Variants in FAM83B observed in about 807,000 individuals in gnomAD.
FAM83B encodes protein FAM83B.
A neutral mutation model predicts 38.8 loss-of-function variants in FAM83B; 26 were observed. The observed-to-expected ratio is 0.67, with a 90% CI of 0.49 to 0.93. The LOEUF is 0.93. FAM83B is among the 40% of genes least tolerant of loss of function. The probability of loss-of-function intolerance (pLI) is 0.00; values close to 1 mark genes in which losing one functional copy is unlikely to be tolerated. For synonymous variants in FAM83B, 419 were observed against 423.1 expected (o/e 0.99, Z 0.12); for missense variants, 1,237 against 1,197.3 (o/e 1.03, Z -0.49).
chr6:54,919,181 C>T (rs1333673269), intron 2 of FAM83B, among the ~76,000 whole-genome samples: 1 of 152,152 alleles, frequency 6.6e-6, no homozygotes, highest in Non-Finnish European at 1.5e-5. Context: ...GCCTACTCCT[C>T]ATTCTTTATT....
chr6:54,870,100 A>G, intron 1 of FAM83B, 87 bp from the exon 2 acceptor site: 3 of 621,014 alleles, frequency 4.8e-6, no homozygotes, highest in Non-Finnish European at 8.4e-6. Context: ...AAATGTGTAA[A>G]TGAAAAAATA....
chr6:54,940,515 C>T lies in FAM83B; in HGVS notation c.1544C>T (p.Ala515Val). The T allele has an allele frequency of 3.7e-6, 6 of 1,614,078 alleles. No individual in the cohort carries two copies. The highest frequency in any genetic ancestry group is 5.1e-6 in the Non-Finnish European group (6 of 1,180,004). The change falls in exon 5 of 5, where the codon GCT becomes GTT. Residue 515 changes from alanine to valine, a missense_variant. By Grantham distance (64) the Ala-to-Val change is moderately conservative (BLOSUM62 0). Transcript: ENST00000306858. ...GCTACACCGGACTCAAATGGATCAGCTTTAGGTGACCGATTTGAGGGCTAT... is the reference window on the plus strand; with the variant it reads ...GCTACACCGGACTCAAATGGATCAGTTTTAGGTGACCGATTTGAGGGCTAT... ...SEATPDSNGS[A>V]LGDRFEGYDN... is the part of the protein sequence containing the mutation.
At chr6:54,850,408 AG>A (rs1771244314) in intron 1 of FAM83B, among the ~76,000 whole-genome samples, 1 of 152,162 alleles carries the variant, frequency 6.6e-6, no homozygotes. Context: ...ATGTTAACTA[AG>A]GTTTCCCCAC....
intron 1 of FAM83B, among the ~76,000 whole-genome samples, chr6:54,847,626 G>A (rs34927959): frequency 0.22 from 32,667 of 151,832 alleles, 3,995 homozygotes; most frequent in African/African-American, 0.34. Context: ...TGTGATATGT[G>A]GGGAGACTTA....
Position 54,940,783 on chromosome 6 carries a change from G to C in FAM83B, c.1812G>C (p.Leu604Phe). ...CAGAATCAATCCCCAAGCTCCCATT[G>C]CAGTCAGAGGCACCAAAAATGCACA... ...PLPESIPKLP[L>F]QSEAPKMHTL... Residue 604 changes from leucine (L) to phenylalanine (F), a missense_variant, in exon 5 of 5, where the codon TTG becomes TTC. Leu to Phe is a conservative substitution (Grantham distance 22). Transcript: ENST00000306858. 1 of 1,613,974 alleles carries C rather than the reference G, an allele frequency of 6.2e-7. No homozygotes were observed. Among genetic ancestry groups the C allele is most frequent in the Non-Finnish European group, 8.5e-7 (1 of 1,180,000 alleles).
At chr6:54,877,815 G>A (rs916116554) in intron 2 of FAM83B, among the ~76,000 whole-genome samples, 2 of 152,284 alleles carry the variant, frequency 1.3e-5, no homozygotes, top group African/African-American at 4.8e-5. Context: ...AAACCAAAAT[G>A]CTCATAACTA....
intron 2 of FAM83B, among the ~76,000 whole-genome samples, chr6:54,882,530 G>T (rs575967338): frequency 2.0e-5 from 3 of 152,184 alleles, no homozygotes; most frequent in South Asian, 4.2e-4. Context: ...TTACCATTAT[G>T]GTGTATTACC....
chr6:54,940,646 T>C lies in FAM83B; in HGVS notation c.1675T>C (p.Cys559Arg). 6.2e-7 allele frequency: 1 copy of C among 1,614,046 alleles called. No homozygotes were observed. The highest frequency in any genetic ancestry group is 2.2e-5 in the East Asian group (1 of 44,866). Residue 559 changes from cysteine (C) to arginine (R), a missense_variant, in exon 5 of 5, where the codon TGT becomes CGT. Coordinates refer to ENST00000306858, the MANE Select transcript of FAM83B (RefSeq NM_001010872.3). Reference protein sequence around the residue: ...TLPEQKEVNSCTTGSSNSTII... With the variant: ...TLPEQKEVNSRTTGSSNSTII... ...ACCTGAGCAAAAGGAAGTTAACAGTTGTACAACTGGCTCCTCAAATTCAAC... is the reference window on the plus strand; with the variant it reads ...ACCTGAGCAAAAGGAAGTTAACAGTCGTACAACTGGCTCCTCAAATTCAAC...
At chr6:54,891,547 T>C (rs956020867) in intron 2 of FAM83B, among the ~76,000 whole-genome samples, 3 of 152,202 alleles carry the variant, frequency 2.0e-5, no homozygotes, top group African/African-American at 7.2e-5. Context: ...TACAACCTGA[T>C]GTGGCCTGTC....
chr6:54,881,551 T>C (rs1772132380), intron 2 of FAM83B, among the ~76,000 whole-genome samples: 1 of 151,874 alleles, frequency 6.6e-6, no homozygotes, highest in Non-Finnish European at 1.5e-5. Flanking sequence ...CTGAAAAAAA[T>C]CTATAATCAT....
intron 2 of FAM83B, among the ~76,000 whole-genome samples, chr6:54,895,480 CT>C (rs1378738292): frequency 6.6e-6 from 1 of 152,112 alleles, no homozygotes; most frequent in Non-Finnish European, 1.5e-5. Context: ...ACTTTTTAAA[CT>C]TTTTAAGCAG....
At chr6:54,907,411 A>AGT (rs1030043870) in intron 2 of FAM83B, among the ~76,000 whole-genome samples, 14 of 74,422 alleles carry the variant, frequency 1.9e-4, no homozygotes, top group African/African-American at 1.3e-3. Context: ...AAAAAAATTC[A>AGT]GTGAGTAAGT....
Position 54,941,080 on chromosome 6 carries a change from G to A in FAM83B, c.2109G>A (p.Leu703=), listed in dbSNP as rs1203299870. ...AACCAGAAAAGCCCAAAGAAGATTT[G>A]CTGAAAAGTTCTAAAAGCATGCACA... ...VRQPEKPKED[L]LKSSKSMHNV... The change falls in exon 5 of 5, where the codon TTG becomes TTA. Residue 703 remains leucine (L), a synonymous_variant. Transcript: ENST00000306858. 2.5e-6 allele frequency: 4 copies of A among 1,613,368 alleles called. No individual in the cohort carries two copies. The South Asian group carries it at 3.3e-5, about 13-fold the overall frequency.
chr6:54,915,782 C>T (rs1366242218), intron 2 of FAM83B, among the ~76,000 whole-genome samples: 3 of 77,578 alleles, frequency 3.9e-5, no homozygotes, highest in Non-Finnish European at 6.8e-5. Context: ...GTCCGCAGTC[C>T]GGCCTGGGCG....
intron 2 of FAM83B, among the ~76,000 whole-genome samples, chr6:54,884,299 T>TGAAA (rs375928508): frequency 4.9e-5 from 4 of 82,278 alleles, no homozygotes; most frequent in African/African-American, 2.2e-4. Flanking sequence ...AGACCCCGTC[T>TGAAA]AAAAAAAAAA....
chr6:54,943,540 T>C lies in FAM83B; in HGVS notation c.*1533T>C, dbSNP rs3792989. ...AATGCAAGATTCAGACAAATTTTAA[T>C]ATTGTCTCATTAAAATAATTTAAAT... On this transcript the variant is annotated 3_prime_UTR_variant, in exon 5 of 5. Transcript: ENST00000306858. 27 of 152,292 alleles carry C rather than the reference T, an allele frequency of 1.8e-4. No individual in the cohort carries two copies. The East Asian group carries it at 5.0e-3, about 28-fold the overall frequency. 9.4% of individuals were successfully genotyped at this position (152,292 alleles called of 1,614,324 possible). A position where few individuals can be genotyped will look rare whatever the true frequency, so the allele number is the denominator to read the frequency against.
At chr6:54,853,529 A>G (rs1337917474) in intron 1 of FAM83B, among the ~76,000 whole-genome samples, 1 of 152,130 alleles carries the variant, frequency 6.6e-6, no homozygotes, top group Non-Finnish European at 1.5e-5. Flanking sequence ...AATTATTCTA[A>G]ATCTAGTCTG....
In FAM83B at chr6:54,870,555, T is replaced by G; in HGVS notation, c.309T>G (p.Asn103Lys). The change falls in exon 2 of 5, where the codon AAT (asparagine) becomes AAG (lysine). Residue 103 changes from asparagine (N) to lysine (K), a missense_variant. Physicochemically the swap from Asn to Lys is moderately conservative, Grantham distance 94. Transcript: ENST00000306858. ...WPVESDVEAP[N>K]LDLGWPYVMP... ...TTGAGTCTGATGTGGAAGCTCCAAATCTTGACTTAGGCTGGCCATATGTGA... is the reference window on the plus strand; with the variant it reads ...TTGAGTCTGATGTGGAAGCTCCAAAGCTTGACTTAGGCTGGCCATATGTGA... The G allele has an allele frequency of 6.2e-7, 1 of 1,613,996 alleles. No individual in the cohort carries two copies. The highest frequency in any genetic ancestry group is 8.5e-7 in the Non-Finnish European group (1 of 1,179,966).
Position 54,940,510 on chromosome 6 carries a change from A to G in FAM83B, c.1539A>G (p.Gly513=). The G allele has an allele frequency of 6.2e-7, 1 of 1,614,108 alleles. No individual in the cohort carries two copies. The highest frequency in any genetic ancestry group is 8.5e-7 in the Non-Finnish European group (1 of 1,180,008). The change falls in exon 5 of 5, where the codon GGA becomes GGG. Residue 513 remains glycine (G), a synonymous_variant. Transcript: ENST00000306858. ...DHSEATPDSN[G]SALGDRFEGY... is the part of the protein sequence containing the mutation. ...CAGAAGCTACACCGGACTCAAATGGATCAGCTTTAGGTGACCGATTTGAGG... is the reference window on the plus strand; with the variant it reads ...CAGAAGCTACACCGGACTCAAATGGGTCAGCTTTAGGTGACCGATTTGAGG...
Sources: allele counts gnomAD v4.1 joint callset (sites outside exome capture counted in the v4.1 genomes callset), GRCh38; gene constraint gnomAD v4.1.1; transcripts MANE v1.5; gene names NCBI Gene and HGNC (gene_info 2026-07-23, HGNC 2026-07-21).